The following ABCC9 variants were observed in gnomAD, a reference collection of about 807,000 sequenced individuals.
ABCC9 encodes ATP binding cassette subfamily C member 9, also known as ATP-binding cassette sub-family C member 9.
A neutral mutation model predicts 188.3 loss-of-function variants in ABCC9; 95 were observed. The ratio of observed to expected loss-of-function variants is 0.50; its 90% confidence interval spans 0.43 to 0.60. The LOEUF (loss-of-function observed/expected upper bound fraction) is 0.60. ABCC9 is among the 20% of genes least tolerant of loss of function. The pLI, the probability that ABCC9 is intolerant of heterozygous loss-of-function variation, is 0.00. For missense variants in ABCC9, 1,102 were observed against 1,876.3 expected (o/e 0.59, Z 7.62); for synonymous variants, 659 against 652.7 (o/e 1.01, Z -0.15).
intron 3 of ABCC9, 63 bp from the exon 4 acceptor site, chr12:21,933,986 A>T: frequency 6.3e-7 from 1 of 1,586,536 alleles, no homozygotes; most frequent in Non-Finnish European, 8.6e-7. Context: ...TGTAATAAAC[A>T]TAATTTAAAT....
chr12:21,913,129 C>T, intron 7 of ABCC9, 63 bp from the exon 8 acceptor site: 2 of 1,393,564 alleles, frequency 1.4e-6, no homozygotes, highest in South Asian at 1.3e-5. Flanking sequence ...AGAGCAGTAA[C>T]TAATCTCATG....
chr12:21,833,332 G>GA (rs1943881566), intron 30 of ABCC9, among the ~76,000 whole-genome samples: 1 of 151,954 alleles, frequency 6.6e-6, no homozygotes, highest in Admixed American at 6.6e-5. Flanking sequence ...ACCTGGATTG[G>GA]ATCCTGCAGG....
intron 30 of ABCC9, among the ~76,000 whole-genome samples, chr12:21,834,632 T>C (rs542344257): frequency 2.0e-5 from 3 of 152,188 alleles, no homozygotes; most frequent in African/African-American, 7.2e-5. Context: ...GATATATATA[T>C]GTATATGTAT....
At chr12:21,911,024 A>T in intron 8 of ABCC9, 46 bp from the exon 9 acceptor site, 2 of 1,589,196 alleles carry the variant, frequency 1.3e-6, no homozygotes, top group Non-Finnish European at 1.7e-6. Flanking sequence ...TCGTCTTTTT[A>T]TAGACCAGGT....
At chr12:21,875,514 G>C (rs923465576) in intron 17 of ABCC9, 140 bp downstream of exon 17, 104 of 644,958 alleles carry the variant, frequency 1.6e-4, no homozygotes, top group South Asian at 3.9e-5. Context: ...ACAGTGGCTC[G>C]CAAGCACAAT....
Position 21,801,019 on chromosome 12 carries a change from A to G in ABCC9, c.*25T>C. On this transcript the variant is annotated 3_prime_UTR_variant, in exon 40 of 40. Transcript: ENST00000261200. ...AGGTTATGACTGCATTATTTTAAAT[A>G]CATGTATTGTTTTAAGACACTCCTT... is the stretch of plus-strand genomic sequence containing the variant. The G allele has an allele frequency of 6.2e-7, 1 of 1,613,206 alleles. No individual in the cohort carries two copies. The highest frequency in any genetic ancestry group is 8.5e-7 in the Non-Finnish European group (1 of 1,179,626).
At chr12:21,867,988 A>G (rs886735065) in intron 18 of ABCC9, among the ~76,000 whole-genome samples, 1 of 152,208 alleles carries the variant, frequency 6.6e-6, no homozygotes, top group Non-Finnish European at 1.5e-5. Flanking sequence ...TATCATGACA[A>G]CCAGGAAAGG....
intron 18 of ABCC9, among the ~76,000 whole-genome samples, chr12:21,871,469 T>A (rs1946071827): frequency 6.6e-6 from 1 of 152,228 alleles, no homozygotes; most frequent in Non-Finnish European, 1.5e-5. Context: ...ACACTTCTAA[T>A]TTCAGTCTGA....
intron 31 of ABCC9, among the ~76,000 whole-genome samples, chr12:21,825,733 G>A (rs940715382): frequency 1.9e-4 from 29 of 151,992 alleles, no homozygotes; most frequent in Admixed American, 1.4e-3. Context: ...CATGGCATGC[G>A]TATACCTATG....
intron 3 of ABCC9, 71 bp downstream of exon 3, chr12:21,936,462 A>T: frequency 7.4e-7 from 1 of 1,348,414 alleles, no homozygotes; most frequent in Non-Finnish European, 1.0e-6. Context: ...AGTCAACATT[A>T]TCCCAAATCT....
At chr12:21,883,798 C>T (rs963298971) in intron 15 of ABCC9, among the ~76,000 whole-genome samples, 13 of 151,940 alleles carry the variant, frequency 8.6e-5, no homozygotes, top group South Asian at 2.1e-4. Context: ...TCTAGTCTAT[C>T]TCAAATGTTA....
chr12:21,862,489 C>T (rs1403037907), intron 20 of ABCC9, among the ~76,000 whole-genome samples: 1 of 152,156 alleles, frequency 6.6e-6, no homozygotes, highest in African/African-American at 2.4e-5. Context: ...GGGAAAGGGT[C>T]ATACCTTCTT....
chr12:21,932,831 T>A (rs959191707), intron 4 of ABCC9, among the ~76,000 whole-genome samples: 1 of 151,926 alleles, frequency 6.6e-6, no homozygotes, highest in Non-Finnish European at 1.5e-5. Flanking sequence ...GCGTGGTGAT[T>A]CCTCAAAGAC....
In ABCC9 at chr12:21,893,834, A is replaced by T. The variant is rs113957151; in HGVS notation, c.1802+198T>A. The stretch of plus-strand genomic sequence containing the variant: ...TAATCAGGAGAAAAATGCTAGATAA[A>T]TTTAAAATTTTTGTTTTGAAAAATT... On this transcript the variant is annotated intron_variant, in intron 14 of 39. Transcript: ENST00000261200. Among the ~76,000 whole-genome samples the T allele has an allele frequency of 4.2e-3, 644 of 152,346 alleles. 7 individuals carry two copies. Among genetic ancestry groups the T allele is most frequent in the African/African-American group, 0.014 (595 of 41,578 alleles).
intron 7 of ABCC9, among the ~76,000 whole-genome samples, chr12:21,915,353 ATAT>A (rs1948523896): frequency 6.9e-6 from 1 of 145,524 alleles, no homozygotes; most frequent in Admixed American, 6.9e-5. Context: ...GTGTATGTAT[ATAT>A]AATGTGTATA....
intron 12 of ABCC9, among the ~76,000 whole-genome samples, chr12:21,903,119 G>A (rs1339636175): frequency 6.6e-6 from 1 of 152,120 alleles, no homozygotes; most frequent in Non-Finnish European, 1.5e-5. Flanking sequence ...TCATCCCTGG[G>A]ATGCAAAGCC....
intron 15 of ABCC9, among the ~76,000 whole-genome samples, chr12:21,883,834 A>G (rs981581063): frequency 2.0e-5 from 3 of 152,180 alleles, no homozygotes; most frequent in Non-Finnish European, 4.4e-5. Context: ...TCAATGGACT[A>G]AAACATCCTT....
intron 8 of ABCC9, among the ~76,000 whole-genome samples, chr12:21,912,586 C>A (rs1948371417): frequency 1.3e-5 from 2 of 151,958 alleles, no homozygotes; most frequent in Admixed American, 1.3e-4. Context: ...ACAATCAATG[C>A]ACAATTTCTA....
chr12:21,812,813 T>G (rs1369960565), intron 35 of ABCC9, among the ~76,000 whole-genome samples: 1 of 152,082 alleles, frequency 6.6e-6, no homozygotes, highest in Non-Finnish European at 1.5e-5. Flanking sequence ...CAAACCTGCA[T>G]GTTCTGCACA....
Sources: gnomAD v4.1 joint callset for allele counts (sites outside exome capture counted in the v4.1 genomes callset) on GRCh38, gnomAD v4.1.1 for gene constraint, MANE v1.5 for transcripts, NCBI Gene and HGNC (gene_info 2026-07-23, HGNC 2026-07-21) for gene names.